Variants in ZDHHC11 observed in about 807,000 individuals in gnomAD.
ZDHHC11 encodes the protein zDHHC palmitoyltransferase 11.
ZDHHC11 carries 44 observed loss-of-function variants against 51.3 expected under a neutral mutation model. The observed-to-expected ratio is 0.86, with a 90% CI of 0.67 to 1.10. ZDHHC11 has a LOEUF of 1.10. Among genes scored for constraint, ZDHHC11 ranks in the 50% least tolerant of loss-of-function variants. ZDHHC11 has a pLI of 0.00. For synonymous variants in ZDHHC11, 163 were observed against 222.0 expected, an observed-to-expected ratio of 0.73 and a Z score of 2.36; for missense variants, 400 against 537.7, an observed-to-expected ratio of 0.74 and a Z score of 2.53.
chr5:829,034 C>T (rs1229144924), intron 7 of ZDHHC11, among the ~76,000 whole-genome samples: 1 of 131,896 alleles, frequency 7.6e-6, no homozygotes, highest in African/African-American at 2.8e-5. Context: ...TAAATGGCCA[C>T]ATCAAAAAGA....
intron 1 of ZDHHC11, among the ~76,000 whole-genome samples, chr5:856,549 C>T (rs1748276528): frequency 6.7e-6 from 1 of 149,448 alleles, no homozygotes; most frequent in Non-Finnish European, 1.5e-5. Context: ...CACACAACTC[C>T]ATGCACACCA....
intron 11 of ZDHHC11, among the ~76,000 whole-genome samples, chr5:808,912 A>C (rs1277182129): frequency 6.7e-6 from 1 of 149,026 alleles, no homozygotes; most frequent in Non-Finnish European, 1.5e-5. Flanking sequence ...GTTAGCCAGG[A>C]CAGTCTTGAT....
chr5:840,689 C>A (rs1301422073), intron 4 of ZDHHC11, 39 bp from the exon 5 acceptor site: 2 of 1,611,316 alleles, frequency 1.2e-6, no homozygotes, highest in Non-Finnish European at 1.7e-6. Context: ...CCAGCACCTG[C>A]TGACGGGTGC....
chr5:838,469 G>A (rs1376060570), intron 5 of ZDHHC11, among the ~76,000 whole-genome samples: 1 of 152,058 alleles, frequency 6.6e-6, no homozygotes, highest in Admixed American at 6.5e-5. Context: ...GATGGCGGTG[G>A]GCGCCCTGGG....
At chr5:856,883 A>G (rs956020874) in intron 1 of ZDHHC11, among the ~76,000 whole-genome samples, 1 of 149,166 alleles carries the variant, frequency 6.7e-6, no homozygotes, top group Non-Finnish European at 1.5e-5. Context: ...CACCCCCAAA[A>G]TACCACACAT....
chr5:824,176 C>A (rs67912577), intron 8 of ZDHHC11: 79,685 of 431,336 alleles, frequency 0.18, 12,403 homozygotes, highest in African/African-American at 0.56. Flanking sequence ...GACCAGCCTG[C>A]GGCCTGGCGT....
At position 850,938 on chromosome 5, in the gene ZDHHC11, G is replaced by A. The variant is rs1245842925; in HGVS notation, c.-336C>T. On this transcript the variant is annotated 5_prime_UTR_variant, in exon 1 of 13. Coordinates refer to ENST00000283441, the MANE Select transcript of ZDHHC11 (RefSeq NM_024786.3). ...CCCCTGAGGATTTGTTACGTTCTGG[G>A]GAGTGCTCGACAGCCCCCACACAGC... 11 of 415,508 alleles carry A rather than the reference G, an allele frequency of 2.6e-5. No homozygotes were observed. The highest frequency in any genetic ancestry group is 2.6e-5 in the Non-Finnish European group (6 of 231,198). 25.7% of individuals were successfully genotyped at this position (415,508 alleles called of 1,614,324 possible). A position where few individuals can be genotyped will look rare whatever the true frequency, so the allele number is the denominator to read the frequency against.
chr5:846,508 CG>C (rs1746186559), intron 3 of ZDHHC11, among the ~76,000 whole-genome samples: 1 of 146,454 alleles, frequency 6.8e-6, no homozygotes, highest in African/African-American at 2.6e-5. Context: ...AACAACCTCT[CG>C]TTCTTGAGCC....
chr5:831,844 A>G (rs1345160555), intron 7 of ZDHHC11, among the ~76,000 whole-genome samples: 2 of 149,558 alleles, frequency 1.3e-5, no homozygotes, highest in African/African-American at 2.5e-5. Context: ...TTACACTGCT[A>G]GTGGGAATGT....
chr5:808,984 T>TACACACACACACACACACACACACAC (rs56961185), intron 11 of ZDHHC11, among the ~76,000 whole-genome samples: 25 of 133,752 alleles, frequency 1.9e-4, no homozygotes, highest in African/African-American at 6.8e-4. Context: ...GACCATCAGT[T>TACACACACACACACACACACACACAC]ACACACACAC....
chr5:837,446 A>G lies in ZDHHC11; in HGVS notation c.819T>C (p.Ile273=), dbSNP rs777729494. The change falls in exon 6 of 13, where the codon ATT becomes ATC. Residue 273 remains isoleucine, a synonymous_variant. Transcript: ENST00000283441. ...AKKMTTFEYL[I]NNRKEESSKH... is the part of the protein sequence containing the mutation. ...TTGAACTCTCTTCTTTGCGGTTATT[A>G]ATGAGATACTCAAAGGTGGTCATCT... The G allele has an allele frequency of 3.0e-5, 49 of 1,609,810 alleles. No homozygotes were observed. The highest frequency in any genetic ancestry group is 2.4e-5 in the Non-Finnish European group (28 of 1,176,624).
intron 4 of ZDHHC11, chr5:841,892 C>A (rs1247457276): frequency 7.1e-6 from 7 of 989,760 alleles, no homozygotes; most frequent in Non-Finnish European, 8.4e-6. Context: ...GACAGACCCT[C>A]TCTGGAACTG....
chr5:819,505 C>A lies in ZDHHC11; in HGVS notation c.1146+20G>T, dbSNP rs376733111. 6.2e-7 allele frequency: 1 copy of A among 1,602,292 alleles called. No homozygotes were observed. The highest frequency in any genetic ancestry group is 1.3e-5 in the African/African-American group (1 of 74,706). ...CACATGGCCCTGTCCTCGGGGACAGCGCCAGTGATTGCAACTTACCTGTGC... is the reference window on the plus strand; with the variant it reads ...CACATGGCCCTGTCCTCGGGGACAGAGCCAGTGATTGCAACTTACCTGTGC... On this transcript the variant is annotated intron_variant, in intron 10 of 12. Coordinates refer to ENST00000283441, the MANE Select transcript of ZDHHC11 (RefSeq NM_024786.3).
At chr5:851,629 C>CG (rs1747248838), upstream of ZDHHC11, among the ~76,000 whole-genome samples, 1 of 152,206 alleles carries the variant, frequency 6.6e-6, no homozygotes, top group Non-Finnish European at 1.5e-5. Flanking sequence ...AGTGGCTCTG[C>CG]GCTGCCTTTG....
chr5:800,421 G>C (rs1369981228), intron 12 of ZDHHC11, among the ~76,000 whole-genome samples: 8 of 150,640 alleles, frequency 5.3e-5, no homozygotes, highest in African/African-American at 1.9e-4. Context: ...TTAGAGAAAG[G>C]GTTGCAGTCT....
chr5:806,487 C>T (rs1189881103), intron 11 of ZDHHC11, among the ~76,000 whole-genome samples: 1 of 150,344 alleles, frequency 6.7e-6, no homozygotes, highest in Non-Finnish European at 1.5e-5. Context: ...TGAAAAGGTT[C>T]ATTAATCAAG....
rs1003254846 is a variant in ZDHHC11 at position 814,518 on chromosome 5, G to A, written c.1181+243C>T. 4.6e-5 allele frequency among the ~76,000 whole-genome samples: 7 copies of A among 151,338 alleles called. 1 individual carries two copies. The highest frequency in any genetic ancestry group is 1.7e-4 in the African/African-American group (7 of 41,240). ...GTGTTTAAAGAAAGAAAATAACTACGCTTGGCCTTATTTTTGTGCGTAAGT... is the reference window on the plus strand; with the variant it reads ...GTGTTTAAAGAAAGAAAATAACTACACTTGGCCTTATTTTTGTGCGTAAGT... On this transcript the variant is annotated intron_variant, in intron 11 of 12. Transcript: ENST00000283441.
At chr5:801,029 A>T in intron 12 of ZDHHC11, 71 bp downstream of exon 12, 1 of 1,574,166 alleles carries the variant, frequency 6.4e-7, no homozygotes, top group Non-Finnish European at 8.7e-7. Context: ...TTTTTTAAAG[A>T]AGATATTTCA....
upstream of ZDHHC11, among the ~76,000 whole-genome samples, chr5:851,686 G>A (rs926391616): frequency 1.3e-5 from 2 of 152,174 alleles, no homozygotes; most frequent in African/African-American, 4.8e-5. Flanking sequence ...CGGATGCGGG[G>A]CCACAGGACC....
Sources: gnomAD v4.1 joint callset for allele counts (sites outside exome capture counted in the v4.1 genomes callset) on GRCh38, gnomAD v4.1.1 for gene constraint, MANE v1.5 for transcripts, NCBI Gene and HGNC (gene_info 2026-07-23, HGNC 2026-07-21) for gene names.